Variants in GALNT10 observed in about 807,000 individuals in gnomAD.
The protein encoded by GALNT10 is polypeptide N-acetylgalactosaminyltransferase 10.
A neutral mutation model predicts 75.0 loss-of-function variants in GALNT10; 41 were observed. That is an observed-to-expected ratio of 0.55 (90% CI 0.43 to 0.71). The LOEUF (loss-of-function observed/expected upper bound fraction) is 0.71, where lower values mean the gene tolerates loss of function less well. GALNT10 is among the 30% of genes least tolerant of loss of function. The pLI is 0.00. For missense variants in GALNT10, 727 were observed against 818.5 expected (o/e 0.89, Z 1.36); for synonymous variants, 302 against 313.0 (o/e 0.96, Z 0.37).
At chr5:154,404,024 T>C in intron 7 of GALNT10, 80 bp from the exon 8 acceptor site, 1 of 1,039,062 alleles carries the variant, frequency 9.6e-7, no homozygotes. Flanking sequence ...TTTTGCTGAG[T>C]GCACTAAGGG....
chr5:154,266,623 C>T (rs539564577), intron 1 of GALNT10, among the ~76,000 whole-genome samples: 1 of 148,254 alleles, frequency 6.7e-6, no homozygotes, highest in East Asian at 2.0e-4. Context: ...GTCTTTAATT[C>T]TGGCACTTTG....
intron 3 of GALNT10, among the ~76,000 whole-genome samples, chr5:154,311,306 G>T (rs1023272517): frequency 6.6e-6 from 1 of 152,164 alleles, no homozygotes; most frequent in African/African-American, 2.4e-5. Flanking sequence ...TTCCTATTCA[G>T]AATTGTTGTG....
Position 154,376,454 on chromosome 5 carries a change from C to G in GALNT10, c.746C>G (p.Pro249Arg), listed in dbSNP as rs1297853224. 1.9e-6 allele frequency: 3 copies of G among 1,572,806 alleles called. No individual in the cohort carries two copies. Among genetic ancestry groups the G allele is most frequent in the Non-Finnish European group, 2.6e-6 (3 of 1,164,474 alleles). The change falls in exon 5 of 12, where the codon CCC becomes CGC. Residue 249 changes from proline to arginine, a missense_variant. Physicochemically the swap from Pro to Arg is moderately radical, Grantham distance 103. Transcript: ENST00000297107. This position sits in a 1 kb window ranked among gnomAD's most constrained non-coding sequence, Gnocchi z 4.1. ...HCEANVNWLP[P>R]LLDRIARNRK... ...GAAGCCAATGTCAACTGGCTTCCCC[C>G]CTTGCTTGGTAAGGGAGCCCCTCCC...
At chr5:154,275,577 C>T (rs73281464) in intron 1 of GALNT10, among the ~76,000 whole-genome samples, 27,425 of 152,196 alleles carry the variant, frequency 0.18, 2,655 homozygotes, top group African/African-American at 0.22. Context: ...TTGAGCAGGA[C>T]TTTGCAGAAC....
Position 154,382,041 on chromosome 5 carries a change from C to T in GALNT10, c.938+1410C>T, listed in dbSNP as rs557821214. On this transcript the variant is annotated intron_variant, in intron 6 of 11. Transcript: ENST00000297107. ...ACACTGCCATAACTGGGGAGTCGTACCTCTCACCACAGTTTGGCCTTCAGT... is the reference window on the plus strand; with the variant it reads ...ACACTGCCATAACTGGGGAGTCGTATCTCTCACCACAGTTTGGCCTTCAGT... 1.3e-5 allele frequency among the ~76,000 whole-genome samples: 2 copies of T among 152,300 alleles called. 1 individual carries two copies. The highest frequency in any genetic ancestry group is 4.1e-4 in the South Asian group (2 of 4,822).
chr5:154,329,345 G>A, intron 3 of GALNT10: 1 of 511,314 alleles, frequency 2.0e-6, no homozygotes, highest in Non-Finnish European at 3.5e-6. Context: ...CAAACTCAGG[G>A]AGGTCTTTTA....
At chr5:154,310,702 C>G (rs1358233887) in intron 3 of GALNT10, among the ~76,000 whole-genome samples, 1 of 151,980 alleles carries the variant, frequency 6.6e-6, no homozygotes, top group East Asian at 1.9e-4. Flanking sequence ...GAACTCCTGA[C>G]CTCAGGTAAT....
At chr5:154,309,175 G>A (rs1395006421) in intron 3 of GALNT10, among the ~76,000 whole-genome samples, 1 of 152,190 alleles carries the variant, frequency 6.6e-6, no homozygotes, top group Non-Finnish European at 1.5e-5. Context: ...GGCCTAGCAG[G>A]AAAGTTGACC....
intron 1 of GALNT10, among the ~76,000 whole-genome samples, chr5:154,240,851 T>C (rs1753325042): frequency 6.6e-6 from 1 of 152,196 alleles, no homozygotes; most frequent in Admixed American, 6.5e-5. Context: ...TCTCAGACGC[T>C]TCCTGGCTGT....
intron 3 of GALNT10, among the ~76,000 whole-genome samples, chr5:154,327,983 C>T (rs1467091739): frequency 6.6e-6 from 1 of 151,174 alleles, no homozygotes; most frequent in Non-Finnish European, 1.5e-5. Flanking sequence ...GACAGAGGAA[C>T]AGTTTAAAGG....
chr5:154,319,607 C>G (rs1033826302), intron 3 of GALNT10, among the ~76,000 whole-genome samples: 1 of 152,202 alleles, frequency 6.6e-6, no homozygotes, highest in African/African-American at 2.4e-5. Context: ...TCTAAACTGT[C>G]AGGCGTAAGC....
chr5:154,277,809 C>T (rs1427768982), intron 1 of GALNT10, among the ~76,000 whole-genome samples: 4 of 152,146 alleles, frequency 2.6e-5, no homozygotes, highest in East Asian at 3.9e-4. Flanking sequence ...CACCCAGCCC[C>T]GGTGCTCCTC....
At chr5:154,219,841 C>CACACACACACACACACAT (rs1333055727) in intron 1 of GALNT10, among the ~76,000 whole-genome samples, 2 of 92,110 alleles carry the variant, frequency 2.2e-5, no homozygotes, top group African/African-American at 7.4e-5. Context: ...CTCTCTCTCA[C>CACACACACACACACACAT]ACACACACAC....
At chr5:154,344,615 G>A (rs1047221518) in intron 4 of GALNT10, among the ~76,000 whole-genome samples, 1 of 152,018 alleles carries the variant, frequency 6.6e-6, no homozygotes, top group East Asian at 1.9e-4. Flanking sequence ...ACACTCCTAC[G>A]GATCCTATCT....
chr5:154,201,410 A>T (rs976137157), intron 1 of GALNT10, among the ~76,000 whole-genome samples: 9 of 152,080 alleles, frequency 5.9e-5, no homozygotes, highest in African/African-American at 1.9e-4. Flanking sequence ...AGAGAAAAAA[A>T]AATAATTACT....
chr5:154,307,862 C>T (rs13176051), intron 3 of GALNT10, among the ~76,000 whole-genome samples: 61,402 of 150,578 alleles, frequency 0.41, 13,001 homozygotes, highest in Middle Eastern at 0.45. Flanking sequence ...AAGAGGTGTG[C>T]CAAAGTCACA....
At chr5:154,223,466 G>A (rs1753013518) in intron 1 of GALNT10, among the ~76,000 whole-genome samples, 1 of 152,210 alleles carries the variant, frequency 6.6e-6, no homozygotes. Flanking sequence ...ACTGTATTAA[G>A]GAACTATAAG....
At chr5:154,279,304 G>GTT (rs1199051669) in intron 1 of GALNT10, among the ~76,000 whole-genome samples, 12 of 101,370 alleles carry the variant, frequency 1.2e-4, no homozygotes, top group African/African-American at 3.3e-4. Context: ...TTGTTGTTTT[G>GTT]TTTTTTTTTT....
intron 1 of GALNT10, among the ~76,000 whole-genome samples, chr5:154,262,082 T>C (rs76010639): frequency 0.013 from 2,054 of 152,348 alleles, 16 homozygotes; most frequent in Non-Finnish European, 0.021. Flanking sequence ...CATTTAGCTC[T>C]TCCTAAATTT....
Sources: gnomAD v4.1 joint callset for allele counts (sites outside exome capture counted in the v4.1 genomes callset) on GRCh38, gnomAD v4.1.1 for gene constraint, Gnocchi (gnomAD v3.1) non-coding constraint, MANE v1.5 for transcripts, NCBI Gene and HGNC (gene_info 2026-07-23, HGNC 2026-07-21) for gene names.